The following ARHGEF3 variants were observed in gnomAD, a reference collection of about 807,000 sequenced individuals.
ARHGEF3 encodes Rho guanine nucleotide exchange factor 3, also known as 59.8 kDA protein.
In ARHGEF3, 28 loss-of-function variants were observed where a neutral mutation model predicts 63.2. The ratio of observed to expected loss-of-function variants is 0.44; its 90% confidence interval spans 0.33 to 0.61. The LOEUF is 0.61. Among genes scored for constraint, ARHGEF3 ranks in the 20% least tolerant of loss-of-function variants. The pLI, the probability that ARHGEF3 is intolerant of heterozygous loss-of-function variation, is 0.03. For missense variants in ARHGEF3, 533 were observed against 659.3 expected (o/e 0.81, Z 2.10); for synonymous variants, 266 against 254.2 (o/e 1.05, Z -0.44).
chr3:56,925,922 T>C (rs2042263239), intron 3 of ARHGEF3, among the ~76,000 whole-genome samples: 1 of 152,168 alleles, frequency 6.6e-6, no homozygotes, highest in Non-Finnish European at 1.5e-5. Context: ...GGGGAAGAAA[T>C]GCAGACTGAC....
At chr3:57,050,099 C>A (rs768487502) in intron 1 of ARHGEF3, among the ~76,000 whole-genome samples, 3 of 152,158 alleles carry the variant, frequency 2.0e-5, no homozygotes, top group Non-Finnish European at 4.4e-5. Flanking sequence ...CTCATCTTAC[C>A]CTGTAGGTCC....
At chr3:56,888,977 G>C (rs1424285976) in intron 3 of ARHGEF3, among the ~76,000 whole-genome samples, 1 of 152,038 alleles carries the variant, frequency 6.6e-6, no homozygotes, top group African/African-American at 2.4e-5. Flanking sequence ...ATAGAGCAAA[G>C]TCCTGTGCAT....
chr3:56,838,171 C>T (rs752265219), intron 4 of ARHGEF3, among the ~76,000 whole-genome samples: 3 of 152,118 alleles, frequency 2.0e-5, no homozygotes, highest in Admixed American at 2.0e-4. Flanking sequence ...AAACAACTTA[C>T]CTATATTTCC....
At position 57,006,161 on chromosome 3, in the gene ARHGEF3, G is replaced by T. The variant is rs181270580; in HGVS notation, c.62+28927C>A. ...AACCACTTTTAATAGGATCTGCCAT[G>T]TTCCCTGTTCCCTGGAGCCACATAA... is the stretch of plus-strand genomic sequence containing the variant. On this transcript the variant is annotated intron_variant, in intron 2 of 12. Coordinates refer to the ARHGEF3 transcript ENST00000338458. Among the ~76,000 whole-genome samples, 9 of 152,282 alleles carry T rather than the reference G, an allele frequency of 5.9e-5. No homozygotes were observed. In the East Asian group the frequency reaches 1.7e-3, roughly 29 times the overall value.
At chr3:56,805,848 A>T (rs1321618282), upstream of ARHGEF3, among the ~76,000 whole-genome samples, 1 of 152,216 alleles carries the variant, frequency 6.6e-6, no homozygotes, top group East Asian at 1.9e-4. Context: ...AAAGATGGGA[A>T]TCTGGAATTC....
In ARHGEF3 at chr3:57,048,480, C is replaced by G. The variant is rs941447113; in HGVS notation, c.-27-13304G>C. On this transcript the variant is annotated intron_variant, in intron 1 of 12. Transcript: ENST00000338458. Reference sequence around the variant, plus strand: ...GCCATCTGGAAATGTGCAGGGAGATCGGGTGAAGGAGGACCCCTCCATTTG... The same window carrying G: ...GCCATCTGGAAATGTGCAGGGAGATGGGGTGAAGGAGGACCCCTCCATTTG... 2.6e-5 allele frequency among the ~76,000 whole-genome samples: 4 copies of G among 152,092 alleles called. No homozygotes were observed. In the South Asian group the frequency reaches 8.3e-4, roughly 32 times the overall value.
upstream of ARHGEF3, among the ~76,000 whole-genome samples, chr3:56,805,475 T>C (rs1394708373): frequency 2.0e-5 from 3 of 152,174 alleles, no homozygotes; most frequent in Non-Finnish European, 2.9e-5. Context: ...GCTCAAGTGA[T>C]CCACCCACCT....
At chr3:57,003,000 C>G (rs1245379952) in intron 2 of ARHGEF3, among the ~76,000 whole-genome samples, 1 of 151,636 alleles carries the variant, frequency 6.6e-6, no homozygotes, top group Admixed American at 6.6e-5. Flanking sequence ...GTCTCCTGAC[C>G]TCAGGTGATC....
chr3:56,778,227 C>T (rs1304329909), intron 1 of ARHGEF3, among the ~76,000 whole-genome samples: 1 of 152,198 alleles, frequency 6.6e-6, no homozygotes, highest in Non-Finnish European at 1.5e-5. Flanking sequence ...TACTAACAAC[C>T]TCACAAGGTA....
At chr3:56,901,960 C>T (rs1560035253) in intron 3 of ARHGEF3, among the ~76,000 whole-genome samples, 2 of 152,152 alleles carry the variant, frequency 1.3e-5, no homozygotes, top group African/African-American at 4.8e-5. Flanking sequence ...CGTGTATTTT[C>T]TCCAAAAGGC....
At chr3:56,768,258 C>T (rs566144558) in intron 2 of ARHGEF3, among the ~76,000 whole-genome samples, 5 of 152,220 alleles carry the variant, frequency 3.3e-5, no homozygotes, top group Admixed American at 6.5e-5. Context: ...AGGGTTTCGC[C>T]ATGTTGGCCA....
chr3:57,058,476 T>C (rs1313350308), intron 1 of ARHGEF3, among the ~76,000 whole-genome samples: 1 of 152,208 alleles, frequency 6.6e-6, no homozygotes, highest in African/African-American at 2.4e-5. Flanking sequence ...CTTGAAATGC[T>C]CACATGCCAG....
chr3:56,768,219 G>A (rs1242767320), intron 2 of ARHGEF3, among the ~76,000 whole-genome samples: 3 of 151,262 alleles, frequency 2.0e-5, no homozygotes, highest in South Asian at 4.2e-4. Context: ...CACCACGCCC[G>A]GCTAATTTTT....
chr3:56,882,246 G>T, intron 4 of ARHGEF3: 1 of 1,507,074 alleles, frequency 6.6e-7, no homozygotes. Context: ...CTTCGGAGAA[G>T]AGAGATGCTC....
intron 4 of ARHGEF3, among the ~76,000 whole-genome samples, chr3:56,853,107 T>C (rs1448109287): frequency 6.6e-6 from 1 of 152,164 alleles, no homozygotes; most frequent in African/African-American, 2.4e-5. Flanking sequence ...TGAACTGTGT[T>C]TCTTATTTCT....
upstream of ARHGEF3, among the ~76,000 whole-genome samples, chr3:56,802,155 C>G (rs1416365191): frequency 6.6e-6 from 1 of 152,316 alleles, no homozygotes; most frequent in Middle Eastern, 3.4e-3. Flanking sequence ...ACTCCGGGCG[C>G]CCCCGCAGAG....
In ARHGEF3 at chr3:56,773,800, C is replaced by A; in HGVS notation, c.113G>T (p.Arg38Leu). Reference sequence around the variant, plus strand: ...CGTGACTCGGGAAAGGGGTTTGACCCGTTTATTACTAGGCTCCTATAGAGT... The same window carrying A: ...CGTGACTCGGGAAAGGGGTTTGACCAGTTTATTACTAGGCTCCTATAGAGT... ...AKDAEEPSNK[R>L]VKPLSRVTSL... is the part of the protein sequence containing the mutation. Residue 38 changes from arginine to leucine, a missense_variant, in exon 2 of 10, where the codon CGG (arginine) becomes CTG (leucine). This residue lies in a region of ARHGEF3 where 160 missense variants were observed against 157.3 expected (regional missense o/e 1.02). Transcript: ENST00000296315. 1 of 1,598,052 alleles carries A rather than the reference C, an allele frequency of 6.3e-7. No homozygotes were observed. Among genetic ancestry groups the A allele is most frequent in the Non-Finnish European group, 8.5e-7 (1 of 1,174,960 alleles).
At chr3:57,013,296 C>A (rs1702787863) in intron 2 of ARHGEF3, among the ~76,000 whole-genome samples, 1 of 152,260 alleles carries the variant, frequency 6.6e-6, no homozygotes, top group South Asian at 2.1e-4. Context: ...CCGGCCCTGG[C>A]ATGGGATCCA....
At chr3:56,736,509 A>T (rs1202940373) in intron 8 of ARHGEF3, among the ~76,000 whole-genome samples, 1 of 152,236 alleles carries the variant, frequency 6.6e-6, no homozygotes, top group African/African-American at 2.4e-5. Flanking sequence ...ACAAGAAAGA[A>T]GTTAAATGCA....
Sources: gnomAD v4.1 joint callset for allele counts (sites outside exome capture counted in the v4.1 genomes callset) on GRCh38, gnomAD v4.1.1 for gene constraint, gnomAD v4.1.1 regional missense constraint, MANE v1.5 for transcripts, NCBI Gene and HGNC (gene_info 2026-07-23, HGNC 2026-07-21) for gene names.